PTBP3: variants seen among roughly 807,000 people sequenced by gnomAD.
PTBP3 encodes the protein polypyrimidine tract binding protein 3.
PTBP3 carries 20 observed loss-of-function variants against 58.7 expected under a neutral mutation model. The ratio of observed to expected loss-of-function variants is 0.34; its 90% CI spans 0.24 to 0.50. The LOEUF (loss-of-function observed/expected upper bound fraction) is 0.50. PTBP3 is among the 20% of genes least tolerant of loss of function. The pLI, the probability that PTBP3 is intolerant of heterozygous loss-of-function variation, is 0.98. For missense variants in PTBP3, 509 were observed against 637.2 expected (o/e 0.80, Z 2.17); for synonymous variants, 185 against 219.8 (o/e 0.84, Z 1.40).
intron 7 of PTBP3, among the ~76,000 whole-genome samples, chr9:112,241,236 T>A (rs1835648965): frequency 6.6e-6 from 1 of 152,054 alleles, no homozygotes; most frequent in South Asian, 2.1e-4. Context: ...CCCAAGTAGC[T>A]GGGATTACAG....
Position 112,219,296 on chromosome 9 carries a change from A to G in PTBP3, c.*4555T>C, listed in dbSNP as rs1834726356. On this transcript the variant is annotated 3_prime_UTR_variant, in exon 14 of 14. Transcript: ENST00000374257. ...GATCTGGGAAACAACAGTAAGGGGG[A>G]AAAAAGGCCAGAGTATGATTTTTTT... is the stretch of plus-strand genomic sequence containing the variant. 2 of 152,532 alleles carry G rather than the reference A, an allele frequency of 1.3e-5. No homozygotes were observed. The highest frequency in any genetic ancestry group is 2.4e-5 in the African/African-American group (1 of 41,422). 9.4% of individuals were successfully genotyped at this position (152,532 alleles called of 1,614,324 possible). A position where few individuals can be genotyped will look rare whatever the true frequency, so the allele number is the denominator to read the frequency against.
the PTBP3 span, among the ~76,000 whole-genome samples, chr9:112,375,771 G>A: frequency 1.3e-5 from 2 of 152,160 alleles, no homozygotes; most frequent in Admixed American, 1.3e-4. Flanking sequence ...ATGGCTAGAT[G>A]GGTCAGAAAG....
chr9:112,363,160 CTG>C, the PTBP3 span: 1 of 153,472 alleles, frequency 6.5e-6, no homozygotes, highest in African/African-American at 2.4e-5. Context: ...ACCATAAAAA[CTG>C]TGAAAAATTA....
chr9:112,235,043 G>A (rs962096284), intron 7 of PTBP3, 146 bp from the exon 8 acceptor site: 8 of 627,846 alleles, frequency 1.3e-5, no homozygotes, highest in African/African-American at 5.6e-5. Flanking sequence ...GATCTTTAAC[G>A]TATAAAAAGA....
intron 1 of PTBP3, among the ~76,000 whole-genome samples, chr9:112,306,606 TTTTG>T (rs145654803): frequency 0.46 from 65,789 of 144,082 alleles, 15,170 homozygotes; most frequent in African/African-American, 0.57. Context: ...ATATATATAT[TTTTG>T]TTTGTTTGTT....
intron 1 of PTBP3, among the ~76,000 whole-genome samples, chr9:112,311,539 T>C (rs2132389466): frequency 6.6e-6 from 1 of 152,168 alleles, no homozygotes; most frequent in African/African-American, 2.4e-5. Flanking sequence ...CCCAGTTATA[T>C]GAAGGTTGAC....
intron 1 of PTBP3, among the ~76,000 whole-genome samples, chr9:112,321,346 T>C (rs1271499960): frequency 6.6e-6 from 1 of 151,766 alleles, no homozygotes; most frequent in African/African-American, 2.4e-5. Flanking sequence ...CTGACCAACA[T>C]GGTGAAACCT....
chr9:112,376,343 T>A, the PTBP3 span, among the ~76,000 whole-genome samples: 1 of 133,282 alleles, frequency 7.5e-6, no homozygotes, highest in African/African-American at 2.8e-5. Flanking sequence ...AACCTCCGCC[T>A]CCCAGGTTCA....
the PTBP3 span, chr9:112,379,803 A>C: frequency 2.4e-6 from 1 of 416,778 alleles, no homozygotes; most frequent in Non-Finnish European, 4.3e-6. Context: ...CCCTAGAGAC[A>C]GGGAAAAGGT....
At position 112,234,808 on chromosome 9, in the gene PTBP3, T is replaced by G; in HGVS notation, c.880+12A>C. 3 of 1,601,118 alleles carry G rather than the reference T, an allele frequency of 1.9e-6. No homozygotes were observed. Among genetic ancestry groups the G allele is most frequent in the East Asian group, 2.2e-5 (1 of 44,774 alleles). ...ATTAAAAGTCATTTCAAATCCAACT[T>G]AAAAGAATCACCTGTAGCTTGAGGA... On this transcript the variant is annotated intron_variant, in intron 8 of 13. Coordinates refer to ENST00000374257, the MANE Select transcript of PTBP3 (RefSeq NM_001163788.4).
At chr9:112,296,477 G>GTTC (rs959776984) in intron 2 of PTBP3, among the ~76,000 whole-genome samples, 16 of 152,024 alleles carry the variant, frequency 1.1e-4, no homozygotes, top group Middle Eastern at 3.2e-3. Context: ...GAACATCTAT[G>GTTC]TTCCCATGGT....
intron 1 of PTBP3, among the ~76,000 whole-genome samples, chr9:112,322,286 A>G (rs1829987022): frequency 6.6e-6 from 1 of 152,156 alleles, no homozygotes; most frequent in African/African-American, 2.4e-5. Context: ...ACTTAGTCCA[A>G]TCTAGGGAAT....
At chr9:112,293,579 G>GC (rs1387797232) in intron 2 of PTBP3, among the ~76,000 whole-genome samples, 1 of 152,042 alleles carries the variant, frequency 6.6e-6, no homozygotes, top group Non-Finnish European at 1.5e-5. Context: ...CTTCACCCTC[G>GC]CCCCCTTGAA....
At chr9:112,305,906 C>T (rs1211062127) in intron 1 of PTBP3, among the ~76,000 whole-genome samples, 1 of 152,012 alleles carries the variant, frequency 6.6e-6, no homozygotes, top group Admixed American at 6.5e-5. Context: ...CGCCACTGCA[C>T]TCCAGCCTGG....
intron 1 of PTBP3, chr9:112,298,484 G>T: frequency 2.1e-6 from 1 of 472,188 alleles, no homozygotes; most frequent in Non-Finnish European, 4.2e-6. Flanking sequence ...AATCTGAACT[G>T]GCAACACTAA....
At chr9:112,311,319 T>C (rs537988752) in intron 1 of PTBP3, among the ~76,000 whole-genome samples, 1 of 152,298 alleles carries the variant, frequency 6.6e-6, no homozygotes, top group East Asian at 1.9e-4. Flanking sequence ...TGTACAGACT[T>C]TTTTTGTCAT....
In PTBP3 at chr9:112,251,039, G is replaced by A. The variant is rs1836092830; in HGVS notation, c.692C>T (p.Thr231Ile). 1 of 1,612,130 alleles carries A rather than the reference G, an allele frequency of 6.2e-7. No homozygotes were observed. Among genetic ancestry groups the A allele is most frequent in the South Asian group, 1.1e-5 (1 of 90,710 alleles). The change falls in exon 7 of 14, where the codon ACC (threonine) becomes ATC (isoleucine). Residue 231 changes from threonine to isoleucine, a missense_variant. Physicochemically the swap from Thr to Ile is moderately conservative, Grantham distance 89. Transcript: ENST00000374257. ...ATTATTATATTTCACATTAAGGCTG[G>A]TGAGCTTGGAGAAGTCAATGCGCAG... is the stretch of plus-strand genomic sequence containing the variant. ...CTLRIDFSKL[T>I]SLNVKYNNDK...
At chr9:112,355,355 A>G in the PTBP3 span, among the ~76,000 whole-genome samples, 2 of 152,222 alleles carry the variant, frequency 1.3e-5, no homozygotes, top group Non-Finnish European at 2.9e-5. Context: ...GGCCTTTGCG[A>G]TGGTTTATAT....
intron 5 of PTBP3, among the ~76,000 whole-genome samples, chr9:112,253,346 G>T (rs1488961484): frequency 6.6e-6 from 1 of 152,118 alleles, no homozygotes; most frequent in Non-Finnish European, 1.5e-5. Context: ...GGGTGAGCAC[G>T]AACCAGAATG....
Sources: allele counts gnomAD v4.1 joint callset (sites outside exome capture counted in the v4.1 genomes callset), GRCh38; gene constraint gnomAD v4.1.1; transcripts MANE v1.5; gene names NCBI Gene and HGNC (gene_info 2026-07-23, HGNC 2026-07-21).